Variants in TTBK2 observed in about 807,000 individuals in gnomAD.
TTBK2 encodes the protein tau tubulin kinase 2.
TTBK2 carries 28 observed loss-of-function variants against 110.8 expected under a neutral mutation model. That is an observed-to-expected ratio of 0.25 (90% CI 0.19 to 0.35). The LOEUF is 0.35. Among genes scored for constraint, TTBK2 ranks in the 10% least tolerant of loss-of-function variants. The pLI is 1.00. For missense variants in TTBK2, 1,369 were observed against 1,500.3 expected (o/e 0.91, Z 1.45); for synonymous variants, 532 against 527.3 (o/e 1.01, Z -0.12).
At chr15:42,881,448 T>C (rs1024294003) in intron 1 of TTBK2, among the ~76,000 whole-genome samples, 15 of 147,854 alleles carry the variant, frequency 1.0e-4, no homozygotes, top group Admixed American at 8.1e-4. Flanking sequence ...GCACAATCAA[T>C]AGATGCAAAT....
At chr15:42,796,988 C>T (rs1890972819) in intron 9 of TTBK2, among the ~76,000 whole-genome samples, 1 of 152,152 alleles carries the variant, frequency 6.6e-6, no homozygotes, top group Admixed American at 6.5e-5. Context: ...AAGTCACCTA[C>T]GTTATAGCTT....
intron 2 of TTBK2, among the ~76,000 whole-genome samples, chr15:42,874,216 G>GT (rs1271322035): frequency 2.0e-4 from 30 of 151,984 alleles, no homozygotes; most frequent in Admixed American, 1.8e-3. Context: ...ATTTCCTTGT[G>GT]TCCCCCATAG....
chr15:42,751,912 A>G (rs2061870640), intron 14 of TTBK2, 62 bp downstream of exon 14: 6 of 1,590,122 alleles, frequency 3.8e-6, no homozygotes, highest in African/African-American at 2.7e-5. Context: ...TTGGTGGACT[A>G]CAATAAAGCA....
chr15:42,865,197 T>C (rs148502071), intron 3 of TTBK2, among the ~76,000 whole-genome samples: 2 of 152,256 alleles, frequency 1.3e-5, no homozygotes, highest in African/African-American at 4.8e-5. Flanking sequence ...ATCCCAGTAC[T>C]ATGGACGGTC....
In TTBK2 at chr15:42,893,385, A is replaced by G. The variant is rs144263803; in HGVS notation, c.-67-14701T>C. On this transcript the variant is annotated intron_variant, in intron 1 of 14. Coordinates refer to ENST00000267890, the MANE Select transcript of TTBK2 (RefSeq NM_173500.4). ...GTGGTGGGTGCCTGTAGTCCTAGCT[A>G]CTCAAGAGGCTGAGGCGGGAGGATA... Among the ~76,000 whole-genome samples, 31 of 152,030 alleles carry G rather than the reference A, an allele frequency of 2.0e-4. No individual in the cohort carries two copies. In the East Asian group the frequency reaches 5.4e-3, roughly 27 times the overall value.
At chr15:42,756,922 T>C (rs933853646) in intron 13 of TTBK2, among the ~76,000 whole-genome samples, 21 of 151,770 alleles carry the variant, frequency 1.4e-4, no homozygotes, top group Non-Finnish European at 2.6e-4. Context: ...AATAAAAATA[T>C]ATATGAATCA....
intron 1 of TTBK2, among the ~76,000 whole-genome samples, chr15:42,886,460 C>T (rs1895250850): frequency 6.6e-6 from 1 of 152,196 alleles, no homozygotes; most frequent in Non-Finnish European, 1.5e-5. Flanking sequence ...AATACAAAAA[C>T]CCAGGCCAGT....
chr15:42,791,362 G>GT (rs1230869202), intron 10 of TTBK2, among the ~76,000 whole-genome samples: 1 of 152,116 alleles, frequency 6.6e-6, no homozygotes, highest in Non-Finnish European at 1.5e-5. Flanking sequence ...TGGTTTCTCA[G>GT]TTTTAACATA....
rs2061749653 is a variant in TTBK2 at position 42,741,303 on chromosome 15, G to A, written c.*4492C>T. The A allele has an allele frequency of 6.6e-6, 1 of 152,242 alleles. No individual in the cohort carries two copies. 9.4% of individuals were successfully genotyped at this position (152,242 alleles called of 1,614,324 possible). On this transcript the variant is annotated 3_prime_UTR_variant, in exon 15 of 15. Coordinates refer to ENST00000267890, the MANE Select transcript of TTBK2 (RefSeq NM_173500.4). Reference sequence around the variant, plus strand: ...GCCATATGGGCTGATGGTTGGAACTGCCTTTAGTTCTCTAAGTAAAGGTCT... The same window carrying A: ...GCCATATGGGCTGATGGTTGGAACTACCTTTAGTTCTCTAAGTAAAGGTCT...
At chr15:42,750,569 A>AG (rs2140579059) in intron 14 of TTBK2, among the ~76,000 whole-genome samples, 1 of 152,232 alleles carries the variant, frequency 6.6e-6, no homozygotes, top group East Asian at 1.9e-4. Context: ...TCTGAGGTAC[A>AG]GAAAAAAAAA....
At chr15:42,810,999 T>G (rs138420324) in intron 8 of TTBK2, among the ~76,000 whole-genome samples, 8 of 152,288 alleles carry the variant, frequency 5.3e-5, no homozygotes, top group Non-Finnish European at 1.2e-4. Context: ...ATTTATTTAT[T>G]TAGTTTTCTG....
intron 6 of TTBK2, among the ~76,000 whole-genome samples, chr15:42,821,969 T>A (rs1464132055): frequency 6.6e-6 from 1 of 152,160 alleles, no homozygotes; most frequent in East Asian, 1.9e-4. Flanking sequence ...GGATTACAGG[T>A]GTGAGCCACC....
chr15:42,889,574 C>G (rs1053505798), intron 1 of TTBK2, among the ~76,000 whole-genome samples: 1 of 152,296 alleles, frequency 6.6e-6, no homozygotes, highest in East Asian at 1.9e-4. Flanking sequence ...CAAGTAATTA[C>G]GCTAAACCCC....
At chr15:42,828,615 C>G (rs1410499595) in intron 5 of TTBK2, among the ~76,000 whole-genome samples, 1 of 149,802 alleles carries the variant, frequency 6.7e-6, no homozygotes, top group Non-Finnish European at 1.5e-5. Context: ...TCCAGCTACT[C>G]AGGAAGCTGA....
intron 3 of TTBK2, among the ~76,000 whole-genome samples, chr15:42,858,109 A>C (rs1173307063): frequency 6.6e-6 from 1 of 151,584 alleles, no homozygotes; most frequent in Non-Finnish European, 1.5e-5. Flanking sequence ...ACAACAACAA[A>C]ACCAAAGTTA....
At chr15:42,876,785 G>T (rs2141128028) in intron 2 of TTBK2, among the ~76,000 whole-genome samples, 1 of 152,140 alleles carries the variant, frequency 6.6e-6, no homozygotes, top group South Asian at 2.1e-4. Flanking sequence ...TAGAGAGATG[G>T]CAGATTCCAG....
At chr15:42,830,687 T>C (rs1455242058) in intron 4 of TTBK2, among the ~76,000 whole-genome samples, 3 of 151,414 alleles carry the variant, frequency 2.0e-5, no homozygotes. Context: ...ATTTATATTA[T>C]TTACATTTAT....
At chr15:42,807,712 C>T (rs1256762238) in intron 9 of TTBK2, among the ~76,000 whole-genome samples, 2 of 152,090 alleles carry the variant, frequency 1.3e-5, no homozygotes, top group East Asian at 1.9e-4. Context: ...GCTGAGATTA[C>T]AAGCATGAAC....
intron 12 of TTBK2, among the ~76,000 whole-genome samples, chr15:42,776,122 T>G (rs760920886): frequency 6.6e-6 from 1 of 152,202 alleles, no homozygotes; most frequent in Non-Finnish European, 1.5e-5. Context: ...ATGATTACCA[T>G]GTGAGGAAGA....
Sources: gnomAD v4.1 joint callset for allele counts (sites outside exome capture counted in the v4.1 genomes callset) on GRCh38, gnomAD v4.1.1 for gene constraint, MANE v1.5 for transcripts, NCBI Gene and HGNC (gene_info 2026-07-23, HGNC 2026-07-21) for gene names.